ZNF347: variants seen among roughly 807,000 people sequenced by gnomAD.
ZNF347 encodes zinc finger protein 347.
In ZNF347, 19 loss-of-function variants were observed where a neutral mutation model predicts 12.9. The ratio of observed to expected loss-of-function variants is 1.47; its 90% CI spans 1.03 to 2.16. The LOEUF (loss-of-function observed/expected upper bound fraction) is 2.16. ZNF347 is among the 30% of genes most tolerant of loss of function. The probability of loss-of-function intolerance (pLI) is 0.00; values close to 1 mark genes in which losing one functional copy is unlikely to be tolerated. For synonymous variants in ZNF347, 328 were observed against 340.6 expected (o/e 0.96, Z 0.41); for missense variants, 1,005 against 990.6 (o/e 1.01, Z -0.19).
At chr19:53,153,482 C>T (rs1477292239) in intron 2 of ZNF347, among the ~76,000 whole-genome samples, 3 of 152,156 alleles carry the variant, frequency 2.0e-5, no homozygotes, top group Admixed American at 6.6e-5. Context: ...ACCCTCACCC[C>T]GTCTCCATCC....
chr19:53,142,948 G>A (rs562070599), intron 4 of ZNF347, among the ~76,000 whole-genome samples: 1 of 152,252 alleles, frequency 6.6e-6, no homozygotes, highest in African/African-American at 2.4e-5. Context: ...AAAATGACAC[G>A]ATGTAACTGT....
rs369373570 is a variant in ZNF347 at position 53,140,463 on chromosome 19, C to T, written c.2365G>A (p.Gly789Arg). The T allele has an allele frequency of 8.3e-5, 134 of 1,613,764 alleles. 1 individual carries two copies. Among genetic ancestry groups the T allele is most frequent in the Non-Finnish European group, 1.1e-4 (124 of 1,179,920 alleles). Reference protein sequence around the residue: ...KLARHQRIHTGEKPYECGKPF... With the variant: ...KLARHQRIHTREKPYECGKPF... ...TTCCCACACTCATATGGTTTCTCTC[C>T]GGTATGAATTCTCTGATGCCTTGCA... The change falls in exon 5 of 5, where the codon GGA (glycine) becomes AGA (arginine). Residue 789 changes from glycine (G) to arginine (R), a missense_variant. Transcript: ENST00000334197.
In ZNF347 at chr19:53,138,395, G is replaced by A. The variant is rs1359008766; in HGVS notation, c.*1913C>T. The stretch of plus-strand genomic sequence containing the variant: ...GGCTCTCAAAGTGCTAGGATTACAG[G>A]CATGAACCACCACACCCAGCCCATA... On this transcript the variant is annotated 3_prime_UTR_variant, in exon 5 of 5. Transcript: ENST00000334197. 1.3e-5 allele frequency: 2 copies of A among 152,094 alleles called. No homozygotes were observed. Among genetic ancestry groups the A allele is most frequent in the African/African-American group, 4.8e-5 (2 of 41,392 alleles). The allele number at this position is 152,094 out of a possible 1,614,324, so 9.4% of individuals were successfully genotyped here.
At chr19:53,152,648 A>G (rs2090506025) in intron 2 of ZNF347, among the ~76,000 whole-genome samples, 1 of 142,138 alleles carries the variant, frequency 7.0e-6, no homozygotes, top group Admixed American at 7.1e-5. Flanking sequence ...TTGGTAAAAC[A>G]GGCCGGGCGC....
Position 53,135,297 on chromosome 19 carries a change from TAA to T in ZNF347, c.*5009_*5010del, listed in dbSNP as rs2090378860. ...TCTCTTCATAGTTCTACCCATTTTC[TAA>T]ATATATATATATATATATATATATA... On this transcript the variant is annotated 3_prime_UTR_variant, in exon 5 of 5. Coordinates refer to ENST00000334197, the MANE Select transcript of ZNF347 (RefSeq NM_032584.3). 1 of 37,838 alleles carries T rather than the reference TAA, an allele frequency of 2.6e-5. No individual in the cohort carries two copies. Among genetic ancestry groups the T allele is most frequent in the South Asian group, 1.5e-3 (1 of 686 alleles). The allele number at this position is 37,838 out of a possible 1,614,324, so 2.3% of individuals were successfully genotyped here. A position where few individuals can be genotyped will look rare whatever the true frequency, so the allele number is the denominator to read the frequency against.
chr19:53,158,223 G>C (rs1297441553), intron 1 of ZNF347, among the ~76,000 whole-genome samples: 2 of 152,276 alleles, frequency 1.3e-5, no homozygotes, highest in African/African-American at 4.8e-5. Context: ...GGACTGCGAA[G>C]GGGAGGCCTG....
In ZNF347 at chr19:53,141,611, C is replaced by T. The variant is rs757635056; in HGVS notation, c.1217G>A (p.Cys406Tyr). 1.9e-6 allele frequency: 3 copies of T among 1,614,064 alleles called. No homozygotes were observed. The highest frequency in any genetic ancestry group is 1.1e-5 in the South Asian group (1 of 91,064). Residue 406 changes from cysteine (C) to tyrosine (Y), a missense_variant, in exon 5 of 5, where the codon TGT (cysteine) becomes TAT (tyrosine). Physicochemically the swap from Cys to Tyr is radical, Grantham distance 194 (BLOSUM62 -2). Coordinates refer to ENST00000334197, the MANE Select transcript of ZNF347 (RefSeq NM_032584.3). ...SGEKPYKCNE[C>Y]GKVFTQNSHL... ...TGAATTTTGAGTGAAGACCTTGCCA[C>T]ATTCATTACATTTGTAAGGTTTTTC...
rs774457892 is a variant in ZNF347 at position 53,140,476 on chromosome 19, C to G, written c.2352G>C (p.Gln784His). 41 of 1,613,730 alleles carry G rather than the reference C, an allele frequency of 2.5e-5. No homozygotes were observed. Among genetic ancestry groups the G allele is most frequent in the Non-Finnish European group, 3.4e-5 (40 of 1,179,922 alleles). ...ATGGTTTCTCTCCGGTATGAATTCT[C>G]TGATGCCTTGCAAGTTTTGAAGTTT... is the stretch of plus-strand genomic sequence containing the variant. ...FSQTSKLARH[Q>H]RIHTGEKPYE... Residue 784 changes from glutamine to histidine, a missense_variant, in exon 5 of 5, where the codon CAG becomes CAC. Physicochemically the swap from Gln to His is conservative, Grantham distance 24 (BLOSUM62 0). Transcript: ENST00000334197.
In ZNF347 at chr19:53,156,049, G is replaced by GGGGGC. The variant is rs1555802215; in HGVS notation, c.-46-2257_-46-2256insGCCCC. ...ACTCCCAGGGGACTCCCAGCTCGGG[G>GGGGGC]GGGGGGGGGGGTTAGGCGGGGGTCC... On this transcript the variant is annotated intron_variant, in intron 1 of 4. Coordinates refer to ENST00000334197, the MANE Select transcript of ZNF347 (RefSeq NM_032584.3). Among the ~76,000 whole-genome samples the GGGGGC allele has an allele frequency of 5.4e-4, 50 of 92,346 alleles. 6 individuals carry two copies. The highest frequency in any genetic ancestry group is 1.5e-3 in the African/African-American group (44 of 29,664). The allele number at this position is 92,346 out of a possible 152,430, so 60.6% of individuals were successfully genotyped here.
intron 2 of ZNF347, among the ~76,000 whole-genome samples, chr19:53,150,889 A>G (rs563297949): frequency 6.6e-6 from 1 of 152,044 alleles, no homozygotes; most frequent in East Asian, 1.9e-4. Context: ...ACAAGCACCC[A>G]CCACCACACC....
rs756245035 is a variant in ZNF347 at position 53,148,813 on chromosome 19, C to T, written c.143-4G>A. 1.2e-6 allele frequency: 2 copies of T among 1,612,084 alleles called. No individual in the cohort carries two copies. The highest frequency in any genetic ancestry group is 1.7e-6 in the Non-Finnish European group (2 of 1,179,178). On this transcript the variant is annotated splice_region_variant and splice_polypyrimidine_tract_variant and intron_variant, in intron 3 of 4. Transcript: ENST00000334197. ...CTGAGGTCAAAACAAGAGATTCCTG[C>T]TTATGAAAAGAAAGGAAAACAATGG...
chr19:53,148,801 A>C lies in ZNF347; in HGVS notation c.151T>G (p.Cys51Gly), dbSNP rs1009268080. Reference sequence around the variant, plus strand: ...ATAGAGATAATACTGAGGTCAAAACAAGAGATTCCTGCTTATGAAAAGAAA... The same window carrying C: ...ATAGAGATAATACTGAGGTCAAAACCAGAGATTCCTGCTTATGAAAAGAAA... ...YRNLASLGISCFDLSIISMLE... is the reference protein window; with the variant it reads ...YRNLASLGISGFDLSIISMLE... The change falls in exon 4 of 5, where the codon TGT becomes GGT. Residue 51 changes from cysteine to glycine, a missense_variant. Coordinates refer to ENST00000334197, the MANE Select transcript of ZNF347 (RefSeq NM_032584.3). 1 of 1,613,216 alleles carries C rather than the reference A, an allele frequency of 6.2e-7. No homozygotes were observed. The highest frequency in any genetic ancestry group is 2.2e-5 in the East Asian group (1 of 44,852).
chr19:53,158,961 A>T (rs2090554547), intron 1 of ZNF347, 48 bp downstream of exon 1: 1 of 152,006 alleles, frequency 6.6e-6, no homozygotes, highest in African/African-American at 2.4e-5. Context: ...GGCTGCGGAA[A>T]CGGGGCACGG....
Position 53,142,452 on chromosome 19 carries a change from T to C in ZNF347, c.376A>G (p.Ile126Val), listed in dbSNP as rs756357678. Residue 126 changes from isoleucine to valine, a missense_variant, in exon 5 of 5, where the codon ATT becomes GTT. By Grantham distance (29) the Ile-to-Val change is conservative (BLOSUM62 3). Coordinates refer to ENST00000334197, the MANE Select transcript of ZNF347 (RefSeq NM_032584.3). ...VMLERQESQD[I>V]EGCSFREVQK... ...ACTTCCCTGAAGGAACATCCTTCAA[T>C]GTCTTGGCTTTCCTGTCTTTCCAAC... is the stretch of plus-strand genomic sequence containing the variant. 1.2e-6 allele frequency: 2 copies of C among 1,614,038 alleles called. No individual in the cohort carries two copies. The highest frequency in any genetic ancestry group is 1.7e-6 in the Non-Finnish European group (2 of 1,179,912).
chr19:53,149,300 G>T lies in ZNF347; in HGVS notation c.83C>A (p.Ala28Asp), dbSNP rs1311085821. The T allele has an allele frequency of 1.9e-6, 3 of 1,614,044 alleles. No homozygotes were observed. Among genetic ancestry groups the T allele is most frequent in the South Asian group, 2.2e-5 (2 of 91,078 alleles). The stretch of plus-strand genomic sequence containing the variant: ...CACGTCCCTGTACAAAGTCCTCTGA[G>T]CGGGGTCCAGGCATGTCCACTCCTC... ...SQEEWTCLDP[A>D]QRTLYRDVML... Residue 28 changes from alanine to aspartate, a missense_variant, in exon 3 of 5, where the codon GCT (alanine) becomes GAT (aspartate). By Grantham distance (126) the Ala-to-Asp change is moderately radical. Transcript: ENST00000334197.
intron 4 of ZNF347, among the ~76,000 whole-genome samples, chr19:53,143,089 C>T (rs555382415): frequency 3.3e-5 from 5 of 152,046 alleles, no homozygotes; most frequent in African/African-American, 4.8e-5. Context: ...ACATAAATTG[C>T]GACATAAAAA....
chr19:53,153,039 A>G (rs1353199140), intron 2 of ZNF347, among the ~76,000 whole-genome samples: 1 of 152,218 alleles, frequency 6.6e-6, no homozygotes, highest in Non-Finnish European at 1.5e-5. Context: ...AACCACTCTC[A>G]CCTAGCACCA....
chr19:53,135,042 G>A lies in ZNF347; in HGVS notation c.*5266C>T, dbSNP rs999159947. On this transcript the variant is annotated 3_prime_UTR_variant, in exon 5 of 5. Transcript: ENST00000334197. ...AGATACTAACAAAATAGGTATAGAT[G>A]GTGAGTAAAGGACAAAAATAACTAG... 6.6e-6 allele frequency: 1 copy of A among 151,902 alleles called. No individual in the cohort carries two copies. Among genetic ancestry groups the A allele is most frequent in the African/African-American group, 2.4e-5 (1 of 41,344 alleles). 9.4% of individuals were successfully genotyped at this position (151,902 alleles called of 1,614,324 possible). A position where few individuals can be genotyped will look rare whatever the true frequency, so the allele number is the denominator to read the frequency against.
rs777199587 is a variant in ZNF347 at position 53,142,343 on chromosome 19, T to C, written c.485A>G (p.Asn162Ser). 12 of 1,614,044 alleles carry C rather than the reference T, an allele frequency of 7.4e-6. No individual in the cohort carries two copies. The highest frequency in any genetic ancestry group is 6.7e-5 in the African/African-American group (5 of 74,928). The change falls in exon 5 of 5, where the codon AAT (asparagine) becomes AGT (serine). Residue 162 changes from asparagine (N) to serine (S), a missense_variant. Physicochemically the swap from Asn to Ser is conservative, Grantham distance 46 (BLOSUM62 1). Coordinates refer to ENST00000334197, the MANE Select transcript of ZNF347 (RefSeq NM_032584.3). ...YKGVLLTQEG[N>S]LTHGRDEHDK... ...ATGTTCATCTCTTCCATGAGTGAGA[T>C]TGCCTTCTTGGGTCAAAAGCACTCC...
Sources: gnomAD v4.1 joint callset for allele counts (sites outside exome capture counted in the v4.1 genomes callset) on GRCh38, gnomAD v4.1.1 for gene constraint, MANE v1.5 for transcripts, NCBI Gene and HGNC (gene_info 2026-07-23, HGNC 2026-07-21) for gene names.